Variants in FBXW4 observed in about 807,000 individuals in gnomAD.
FBXW4 encodes F-box/WD repeat-containing protein 4.
In FBXW4, 40 loss-of-function variants were observed where a neutral mutation model predicts 61.8. The observed-to-expected ratio is 0.65, with a 90% confidence interval of 0.50 to 0.84. The LOEUF (loss-of-function observed/expected upper bound fraction) is 0.84. FBXW4 is among the 40% of genes least tolerant of loss of function. FBXW4 has a pLI of 0.00. For missense variants in FBXW4, 672 were observed against 753.8 expected (o/e 0.89, Z 1.27); for synonymous variants, 311 against 313.8 (o/e 0.99, Z 0.10).
In FBXW4 at chr10:101,673,543, C is replaced by A; in HGVS notation, c.952G>T (p.Asp318Tyr). 6.2e-7 allele frequency: 1 copy of A among 1,614,000 alleles called. No homozygotes were observed. The highest frequency in any genetic ancestry group is 8.5e-7 in the Non-Finnish European group (1 of 1,179,882). The change falls in exon 3 of 9, where the codon GAT (aspartate) becomes TAT (tyrosine). Residue 318 changes from aspartate to tyrosine, a missense_variant. By Grantham distance (160) the Asp-to-Tyr change is radical. Coordinates refer to ENST00000331272, the MANE Select transcript of FBXW4 (RefSeq NM_022039.4). ...RRPLGVFAGH[D>Y]EDVCHFVLAN... Reference sequence around the variant, plus strand: ...AGCACAAAGTGGCAAACGTCCTCATCATGCCCAGCAAAGACTCCCAGAGGC... The same window carrying A: ...AGCACAAAGTGGCAAACGTCCTCATAATGCCCAGCAAAGACTCCCAGAGGC...
At chr10:101,616,512 G>C (rs1013157591) in intron 6 of FBXW4, among the ~76,000 whole-genome samples, 2 of 152,212 alleles carry the variant, frequency 1.3e-5, no homozygotes, top group African/African-American at 4.8e-5. Context: ...ACAACGGAAA[G>C]TTCTACAAGG....
At chr10:101,689,078 G>C (rs1296509276) in intron 1 of FBXW4, among the ~76,000 whole-genome samples, 1 of 151,384 alleles carries the variant, frequency 6.6e-6, no homozygotes, top group Non-Finnish European at 1.5e-5. Context: ...CTCACTGTCA[G>C]TTGGGGATTT....
chr10:101,623,251 A>G (rs573848744), intron 6 of FBXW4, among the ~76,000 whole-genome samples: 4 of 152,270 alleles, frequency 2.6e-5, no homozygotes, highest in Non-Finnish European at 5.9e-5. Flanking sequence ...ATCTCCAAAA[A>G]ACACACAAAA....
At chr10:101,613,700 T>C (rs2063805203) in intron 6 of FBXW4, among the ~76,000 whole-genome samples, 1 of 152,228 alleles carries the variant, frequency 6.6e-6, no homozygotes, top group African/African-American at 2.4e-5. Flanking sequence ...AGAGCTGCCA[T>C]CTTCCCGAAG....
At chr10:101,632,189 T>TACACATACC (rs1252755641) in intron 5 of FBXW4, among the ~76,000 whole-genome samples, 1 of 151,988 alleles carries the variant, frequency 6.6e-6, no homozygotes, top group Admixed American at 6.6e-5. Context: ...CCTCTCCCAG[T>TACACATACC]ACACATACCA....
In FBXW4 at chr10:101,694,512, C is replaced by T. The variant is rs763485940; in HGVS notation, c.594G>A (p.Leu198=). 9 of 1,514,742 alleles carry T rather than the reference C, an allele frequency of 5.9e-6. 1 individual carries two copies. In the East Asian group the frequency reaches 2.4e-4, roughly 41 times the overall value. The allele number at this position is 1,514,742 out of a possible 1,614,324, so 93.8% of individuals were successfully genotyped here. The change falls in exon 1 of 9, where the codon CTG becomes CTA. Residue 198 remains leucine (L), a synonymous_variant. Coordinates refer to ENST00000331272, the MANE Select transcript of FBXW4 (RefSeq NM_022039.4). The surrounding 1 kb of genome is among the most constrained non-coding windows in gnomAD (Gnocchi z 6.0). Reference sequence around the variant, plus strand: ...CCAGGCGGCCGAGGGCCCGCATGTCCAGGTAGGAGCAGATGAGCAGCAGCA... The same window carrying T: ...CCAGGCGGCCGAGGGCCCGCATGTCTAGGTAGGAGCAGATGAGCAGCAGCA... The part of the protein sequence containing the change: ...EELLLLICSY[L]DMRALGRLAQ...
chr10:101,635,804 G>GC (rs1240167499), intron 5 of FBXW4, among the ~76,000 whole-genome samples: 2 of 148,596 alleles, frequency 1.3e-5, no homozygotes, highest in Non-Finnish European at 3.0e-5. Flanking sequence ...TTACACCACT[G>GC]TACTCCAACC....
Position 101,694,585 on chromosome 10 carries a change from G to A in FBXW4, c.521C>T (p.Ala174Val), listed in dbSNP as rs758387288. Residue 174 changes from alanine to valine, a missense_variant, in exon 1 of 9, where the codon GCT becomes GTT. Around this residue, in one of 5 missense-constraint regions of FBXW4, gnomAD observed 311 missense variants for 301.1 expected, o/e 1.03. Coordinates refer to ENST00000331272, the MANE Select transcript of FBXW4 (RefSeq NM_022039.4). The surrounding 1 kb of genome is among the most constrained non-coding windows in gnomAD (Gnocchi z 6.0). ...CGCAGGCCCCGCGGCCGGGCGGGCA[G>A]CCGACTCCCGAGCCGCCTCCTCCTC... ...EEEEEAARES[A>V]ARPAAGPALW... is the part of the protein sequence containing the mutation. 2 of 1,459,138 alleles carry A rather than the reference G, an allele frequency of 1.4e-6. No individual in the cohort carries two copies. Among genetic ancestry groups the A allele is most frequent in the Non-Finnish European group, 1.8e-6 (2 of 1,115,470 alleles). The allele number at this position is 1,459,138 out of a possible 1,614,324, so 90.4% of individuals were successfully genotyped here.
intron 5 of FBXW4, among the ~76,000 whole-genome samples, chr10:101,660,729 G>A (rs2064234409): frequency 6.6e-6 from 1 of 152,196 alleles, no homozygotes; most frequent in South Asian, 2.1e-4. Flanking sequence ...TTCCTGATGA[G>A]CAGAGTGGAA....
intron 5 of FBXW4, among the ~76,000 whole-genome samples, chr10:101,630,403 C>T (rs1178071628): frequency 2.6e-5 from 4 of 152,132 alleles, no homozygotes; most frequent in Non-Finnish European, 1.5e-5. Flanking sequence ...CACCTGGGGG[C>T]CCCCCGATTT....
chr10:101,631,623 T>C (rs1410584490), intron 5 of FBXW4, among the ~76,000 whole-genome samples: 1 of 148,298 alleles, frequency 6.7e-6, no homozygotes, highest in Non-Finnish European at 1.5e-5. Context: ...AAAAACACAT[T>C]ATTTACTTTT....
At chr10:101,651,512 T>G (rs900836550) in intron 5 of FBXW4, among the ~76,000 whole-genome samples, 1 of 152,138 alleles carries the variant, frequency 6.6e-6, no homozygotes, top group African/African-American at 2.4e-5. Flanking sequence ...TATCAAACAA[T>G]CATTTTTTTC....
intron 1 of FBXW4, 192 bp from the exon 2 acceptor site, chr10:101,676,628 C>T: frequency 4.2e-6 from 1 of 239,454 alleles, no homozygotes; most frequent in Non-Finnish European, 7.8e-6. Context: ...GTCCTTTAAA[C>T]TATCAAAAAT....
intron 1 of FBXW4, among the ~76,000 whole-genome samples, chr10:101,692,203 A>C (rs966985226): frequency 6.6e-6 from 1 of 152,018 alleles, no homozygotes; most frequent in Admixed American, 6.6e-5. Context: ...AACAATATTT[A>C]AAATAGTATG....
intron 5 of FBXW4, among the ~76,000 whole-genome samples, chr10:101,635,145 C>A (rs1419727061): frequency 6.7e-6 from 1 of 149,154 alleles, no homozygotes; most frequent in East Asian, 1.9e-4. Context: ...GCATTAGATT[C>A]TCATAGGAGC....
intron 5 of FBXW4, among the ~76,000 whole-genome samples, chr10:101,654,643 T>G (rs569640937): frequency 1.3e-5 from 2 of 152,316 alleles, no homozygotes; most frequent in East Asian, 3.9e-4. Flanking sequence ...TGAAGAGATA[T>G]TTAAATAAAC....
At position 101,611,676 on chromosome 10, in the gene FBXW4, G is replaced by A; in HGVS notation, c.1536C>T (p.Tyr512=). ...GNHLLATGSS[Y]YGVVRLWDRR... ...GGTCCCACAGCCGTACAACACCGTAGTAGGAGGAACCTGTGGCCAGCAGGT... is the reference window on the plus strand; with the variant it reads ...GGTCCCACAGCCGTACAACACCGTAATAGGAGGAACCTGTGGCCAGCAGGT... The change falls in exon 8 of 9, where the codon TAC becomes TAT. Residue 512 remains tyrosine, a synonymous_variant. Transcript: ENST00000331272. The surrounding 1 kb of genome is among the most constrained non-coding windows in gnomAD (Gnocchi z 4.9). 6.2e-7 allele frequency: 1 copy of A among 1,614,234 alleles called. No individual in the cohort carries two copies. The highest frequency in any genetic ancestry group is 8.5e-7 in the Non-Finnish European group (1 of 1,180,040).
rs553747401 is a variant in FBXW4, at chr10:101,680,130, A to G, written c.726-3694T>C. ...AAAATAGTAATAATAAATGCTGTTGATAAAACTTGTTGAATATCAATAGAG... is the reference window on the plus strand; with the variant it reads ...AAAATAGTAATAATAAATGCTGTTGGTAAAACTTGTTGAATATCAATAGAG... On this transcript the variant is annotated intron_variant, in intron 1 of 8. Coordinates refer to ENST00000331272, the MANE Select transcript of FBXW4 (RefSeq NM_022039.4). 5.3e-5 allele frequency among the ~76,000 whole-genome samples: 8 copies of G among 152,360 alleles called. No individual in the cohort carries two copies. In the East Asian group the frequency reaches 1.5e-3, roughly 29 times the overall value.
At chr10:101,679,077 A>ATT (rs1374500486) in intron 1 of FBXW4, among the ~76,000 whole-genome samples, 2 of 152,192 alleles carry the variant, frequency 1.3e-5, no homozygotes, top group African/African-American at 2.4e-5. Context: ...GCAACTATGT[A>ATT]TTCACTGTAG....
Sources: gnomAD v4.1 joint callset for allele counts (sites outside exome capture counted in the v4.1 genomes callset) on GRCh38, gnomAD v4.1.1 for gene constraint, gnomAD v4.1.1 regional missense constraint, Gnocchi (gnomAD v3.1) non-coding constraint, MANE v1.5 for transcripts, NCBI Gene and HGNC (gene_info 2026-07-23, HGNC 2026-07-21) for gene names.